Variants in CACNA1H observed in about 807,000 individuals in gnomAD.
CACNA1H encodes the protein voltage-dependent T-type calcium channel subunit alpha-1H.
Under a neutral mutation model 192.5 loss-of-function variants are expected in CACNA1H, and 149 were observed. The ratio of observed to expected loss-of-function variants is 0.77; its 90% CI spans 0.68 to 0.89. The LOEUF is 0.89. Ranked by LOEUF, CACNA1H falls within the 40% of genes least tolerant of loss-of-function variation. The pLI is 0.00. For missense variants in CACNA1H, 4,257 were observed against 3,423.5 expected (o/e 1.24, Z -6.08); for synonymous variants, 2,202 against 1,475.2 (o/e 1.49, Z -11.29).
At chr16:1,155,536 G>A (rs907237688) in intron 2 of CACNA1H, among the ~76,000 whole-genome samples, 3 of 152,162 alleles carry the variant, frequency 2.0e-5, no homozygotes, top group Admixed American at 6.5e-5. Context: ...GGCTGGCCCC[G>A]AGCCAAGGCC....
At chr16:1,176,511 C>T (rs931871991) in intron 2 of CACNA1H, among the ~76,000 whole-genome samples, 1 of 152,222 alleles carries the variant, frequency 6.6e-6, no homozygotes, top group African/African-American at 2.4e-5. Flanking sequence ...GCTGAGGAGG[C>T]CTGGGGCCAG....
intron 5 of CACNA1H, among the ~76,000 whole-genome samples, chr16:1,197,415 TG>T (rs1288265019): frequency 5.9e-5 from 9 of 152,190 alleles, no homozygotes; most frequent in African/African-American, 2.2e-4. Flanking sequence ...CTTCCATGGA[TG>T]TTTACTTTTC....
intron 2 of CACNA1H, among the ~76,000 whole-genome samples, chr16:1,169,562 G>C (rs1172673791): frequency 6.6e-6 from 1 of 152,214 alleles, no homozygotes; most frequent in South Asian, 2.1e-4. Context: ...CTCTCCCACC[G>C]AGAGACACTT....
chr16:1,186,288 G>A (rs1966051015), intron 2 of CACNA1H, among the ~76,000 whole-genome samples: 1 of 151,986 alleles, frequency 6.6e-6, no homozygotes, highest in Non-Finnish European at 1.5e-5. Flanking sequence ...CCCTCGAGGT[G>A]TCCCAGTGGG....
At chr16:1,183,074 A>G (rs1348238423) in intron 2 of CACNA1H, among the ~76,000 whole-genome samples, 1 of 75,088 alleles carries the variant, frequency 1.3e-5, no homozygotes, top group Non-Finnish European at 2.6e-5. Flanking sequence ...CTGTGACCCG[A>G]CACCCCCAGC....
At position 1,209,383 on chromosome 16, in the gene CACNA1H, G is replaced by A; in HGVS notation, c.3715G>A (p.Ala1239Thr). Residue 1239 changes from alanine to threonine, a missense_variant, in exon 17 of 35, where the codon GCA (alanine) becomes ACA (threonine). Ala to Thr is a moderately conservative substitution (Grantham distance 58). Coordinates refer to ENST00000348261, the MANE Select transcript of CACNA1H (RefSeq NM_021098.3). ...FLRIDSHRED[A>T]AELDDDSEDS... is the part of the protein sequence containing the mutation. The stretch of plus-strand genomic sequence containing the variant: ...GCGCATCGACAGCCACCGTGAGGAT[G>A]CAGCCGAGCTTGACGACGACTCGGA... The A allele has an allele frequency of 6.3e-7, 1 of 1,597,924 alleles. No individual in the cohort carries two copies. The highest frequency in any genetic ancestry group is 8.5e-7 in the Non-Finnish European group (1 of 1,179,520).
At chr16:1,165,956 C>T (rs1244441329) in intron 2 of CACNA1H, among the ~76,000 whole-genome samples, 2 of 152,118 alleles carry the variant, frequency 1.3e-5, no homozygotes, top group Non-Finnish European at 2.9e-5. Flanking sequence ...CACACCGGCC[C>T]GTGCATCTTT....
chr16:1,182,435 T>C (rs1965569238), intron 2 of CACNA1H, among the ~76,000 whole-genome samples: 1 of 152,094 alleles, frequency 6.6e-6, no homozygotes, highest in Non-Finnish European at 1.5e-5. Flanking sequence ...CCCGCACCCC[T>C]GCGCTGGGGG....
intron 2 of CACNA1H, among the ~76,000 whole-genome samples, chr16:1,178,955 C>T (rs1288548570): frequency 6.6e-6 from 1 of 152,222 alleles, no homozygotes; most frequent in Non-Finnish European, 1.5e-5. Flanking sequence ...GCAGGCTGGC[C>T]CCGTGCCCCT....
chr16:1,203,101 G>GCGAGGGTGC (rs536405559), intron 9 of CACNA1H, among the ~76,000 whole-genome samples: 1 of 152,140 alleles, frequency 6.6e-6, no homozygotes, highest in South Asian at 2.1e-4. Context: ...AGAGGTGCGA[G>GCGAGGGTGC]CGAGGGTGCC....
At chr16:1,198,882 G>A in intron 6 of CACNA1H, 108 bp downstream of exon 6, 1 of 1,073,318 alleles carries the variant, frequency 9.3e-7, no homozygotes, top group Non-Finnish European at 1.3e-6. Context: ...CCACCGTGCA[G>A]TCACCCGCCC....
intron 2 of CACNA1H, among the ~76,000 whole-genome samples, chr16:1,158,581 C>T (rs947161816): frequency 4.5e-4 from 69 of 152,212 alleles, no homozygotes; most frequent in African/African-American, 1.5e-3. Context: ...AGGCTGAGCT[C>T]ACCCTCCGGG....
chr16:1,201,617 G>C, intron 8 of CACNA1H, 46 bp from the exon 9 acceptor site: 2 of 1,510,118 alleles, frequency 1.3e-6, no homozygotes, highest in Non-Finnish European at 1.8e-6. Context: ...TGGCGAATCA[G>C]AGACTCGCTC....
intron 6 of CACNA1H, among the ~76,000 whole-genome samples, chr16:1,199,601 C>A: frequency 6.6e-6 from 1 of 151,252 alleles, no homozygotes; most frequent in Non-Finnish European, 1.5e-5. Flanking sequence ...ACACCTTACC[C>A]CAGGGTCTCC....
chr16:1,218,063 T>A lies in CACNA1H; in HGVS notation c.5445+23T>A. 1.9e-6 allele frequency: 3 copies of A among 1,591,204 alleles called. No individual in the cohort carries two copies. In the South Asian group the frequency reaches 3.4e-5, roughly 18 times the overall value. On this transcript the variant is annotated intron_variant, in intron 32 of 34. Transcript: ENST00000348261. ...AAGGTACCCGCCGCGGCCATGCCTC[T>A]GGCACCTGGCAGCCCCAGCGGTTTT...
At position 1,208,044 on chromosome 16, in the gene CACNA1H, C is replaced by G. The variant is rs1465734432; in HGVS notation, c.3186C>G (p.Pro1062=). 3 of 1,607,312 alleles carry G rather than the reference C, an allele frequency of 1.9e-6. No individual in the cohort carries two copies. The African/African-American group carries it at 4.0e-5, about 21-fold the overall frequency. ...ELKMCSLAVT[P]NGHLEGRGSL... The stretch of plus-strand genomic sequence containing the variant: ...AGATGTGTTCCCTGGCCGTGACCCC[C>G]AACGGGCACCTGGAGGGACGAGGCA... The change falls in exon 16 of 35, where the codon CCC becomes CCG. Residue 1062 remains proline, a synonymous_variant. Transcript: ENST00000348261.
At chr16:1,176,450 CCAGCTGCCGTCTCTTTCTG>C (rs1458088433) in intron 2 of CACNA1H, among the ~76,000 whole-genome samples, 1 of 152,218 alleles carries the variant, frequency 6.6e-6, no homozygotes, top group African/African-American at 2.4e-5. Flanking sequence ...TGCATGGACC[CCAGCTGCCGTCTCTTTCTG>C]CAGGTGGGCA....
Position 1,195,016 on chromosome 16 carries a change from T to C in CACNA1H, c.344T>C (p.Val115Ala). 2 of 1,612,360 alleles carry C rather than the reference T, an allele frequency of 1.2e-6. No homozygotes were observed. Among genetic ancestry groups the C allele is most frequent in the Non-Finnish European group, 1.7e-6 (2 of 1,179,528 alleles). ...VSMLVIMLNC[V>A]TLGMFRPCED... Reference sequence around the variant, plus strand: ...ATGCTGGTAATCATGCTCAACTGCGTGACCCTGGGCATGTTCCGGCCCTGT... The same window carrying C: ...ATGCTGGTAATCATGCTCAACTGCGCGACCCTGGGCATGTTCCGGCCCTGT... Residue 115 changes from valine (V) to alanine (A), a missense_variant, in exon 3 of 35, where the codon GTG becomes GCG. Transcript: ENST00000348261.
At chr16:1,202,600 C>A in intron 9 of CACNA1H, 148 bp downstream of exon 9, 1 of 741,666 alleles carries the variant, frequency 1.3e-6, no homozygotes, top group Non-Finnish European at 2.0e-6. Flanking sequence ...CCTCTGGAGC[C>A]CATAAGAAGG....
Sources: gnomAD v4.1 joint callset for allele counts (sites outside exome capture counted in the v4.1 genomes callset) on GRCh38, gnomAD v4.1.1 for gene constraint, MANE v1.5 for transcripts, NCBI Gene and HGNC (gene_info 2026-07-23, HGNC 2026-07-21) for gene names.